ADAMTS19: variants seen among roughly 807,000 people sequenced by gnomAD.
ADAMTS19 encodes A disintegrin and metalloproteinase with thrombospondin motifs 19.
A neutral mutation model predicts 153.3 loss-of-function variants in ADAMTS19; 93 were observed. The ratio of observed to expected loss-of-function variants is 0.61; its 90% CI spans 0.51 to 0.72. The LOEUF is 0.72. Ranked by LOEUF, ADAMTS19 falls within the 30% of genes least tolerant of loss-of-function variation. The pLI, the probability that ADAMTS19 is intolerant of heterozygous loss-of-function variation, is 0.00. For missense variants in ADAMTS19, 1,482 were observed against 1,552.1 expected, an observed-to-expected ratio of 0.95 and a Z score of 0.76; for synonymous variants, 600 against 556.6, an observed-to-expected ratio of 1.08 and a Z score of -1.10.
chr5:129,480,178 T>C (rs1322529963), intron 2 of ADAMTS19, among the ~76,000 whole-genome samples: 1 of 152,278 alleles, frequency 6.6e-6, no homozygotes, highest in East Asian at 1.9e-4. Context: ...AAGTTACCGA[T>C]GTAATTCAAT....
At chr5:129,539,012 T>C (rs896102291) in intron 6 of ADAMTS19, among the ~76,000 whole-genome samples, 2 of 152,146 alleles carry the variant, frequency 1.3e-5, no homozygotes, top group Admixed American at 6.6e-5. Context: ...GTAAAGAACA[T>C]TGTTTCATGC....
chr5:129,703,829 T>C (rs1756021641), intron 20 of ADAMTS19, among the ~76,000 whole-genome samples: 1 of 152,208 alleles, frequency 6.6e-6, no homozygotes, highest in Non-Finnish European at 1.5e-5. Context: ...GAAATTGTTA[T>C]TTTTCACAAA....
At position 129,648,851 on chromosome 5, in the gene ADAMTS19, G is replaced by A. The variant is rs779234299; in HGVS notation, c.2057G>A (p.Cys686Tyr). The A allele has an allele frequency of 6.2e-7, 1 of 1,613,940 alleles. No homozygotes were observed. Among genetic ancestry groups the A allele is most frequent in the East Asian group, 2.2e-5 (1 of 44,860 alleles). ...CNGPRKQYRI[C>Y]ENPPCPAGLP... ...GGTCCCAGAAAACAATACAGAATATGTGAGAATCCACCTTGTCCTGCAGGT... is the reference window on the plus strand; with the variant it reads ...GGTCCCAGAAAACAATACAGAATATATGAGAATCCACCTTGTCCTGCAGGT... Residue 686 changes from cysteine (C) to tyrosine (Y), a missense_variant, in exon 13 of 23, where the codon TGT becomes TAT. Cys to Tyr is a radical substitution (Grantham distance 194). This residue lies in a region of ADAMTS19 where 616 missense variants were observed against 724.4 expected (regional missense o/e 0.85). Transcript: ENST00000274487.
At chr5:129,579,534 A>G (rs1404873979) in intron 7 of ADAMTS19, among the ~76,000 whole-genome samples, 1 of 152,046 alleles carries the variant, frequency 6.6e-6, no homozygotes, top group Non-Finnish European at 1.5e-5. Context: ...CCTGAATGGT[A>G]TTACCTAGGT....
At chr5:129,641,753 AAAT>A in intron 10 of ADAMTS19, 103 bp from the exon 11 acceptor site, 1 of 565,336 alleles carries the variant, frequency 1.8e-6, no homozygotes, top group East Asian at 3.1e-5. Context: ...ATTTTTCTTC[AAAT>A]AATTTTTGTT....
At chr5:129,724,885 A>G (rs1013879048) in intron 21 of ADAMTS19, among the ~76,000 whole-genome samples, 4 of 152,174 alleles carry the variant, frequency 2.6e-5, no homozygotes, top group Non-Finnish European at 5.9e-5. Context: ...GGCTGGCATC[A>G]TGTTGACTGT....
intron 18 of ADAMTS19, among the ~76,000 whole-genome samples, chr5:129,690,628 G>A (rs1755291031): frequency 6.6e-6 from 1 of 152,002 alleles, no homozygotes; most frequent in Admixed American, 6.6e-5. Context: ...AAAAGTAAAT[G>A]GCATGACATG....
At chr5:129,618,837 C>A (rs185484453) in intron 8 of ADAMTS19, among the ~76,000 whole-genome samples, 3 of 152,068 alleles carry the variant, frequency 2.0e-5, no homozygotes, top group African/African-American at 7.2e-5. Flanking sequence ...TCAGTACTAA[C>A]CCTCATCCAC....
At chr5:129,494,056 C>T (rs180831230) in intron 2 of ADAMTS19, among the ~76,000 whole-genome samples, 87 of 151,542 alleles carry the variant, frequency 5.7e-4, no homozygotes, top group African/African-American at 1.8e-3. Flanking sequence ...TTATAAAGTC[C>T]GTATGTATGC....
In ADAMTS19 at chr5:129,737,034, C is replaced by T. The variant is rs1308736318; in HGVS notation, c.3491-33C>T. 2.6e-6 allele frequency: 4 copies of T among 1,545,908 alleles called. No individual in the cohort carries two copies. In the Admixed American group the frequency reaches 7.3e-5, roughly 28 times the overall value. ...TTTTTACTGACATATATGATATCTG[C>T]ATGGAGTGAATTCACTATGTTCTGT... On this transcript the variant is annotated intron_variant, in intron 22 of 22. Transcript: ENST00000274487.
At chr5:129,699,614 A>T (rs1755737561) in intron 19 of ADAMTS19, among the ~76,000 whole-genome samples, 1 of 152,114 alleles carries the variant, frequency 6.6e-6, no homozygotes, top group East Asian at 1.9e-4. Flanking sequence ...AAGTCGTGTG[A>T]GTGCTACAAG....
At chr5:129,691,429 C>T (rs1448580605) in intron 18 of ADAMTS19, among the ~76,000 whole-genome samples, 1 of 152,108 alleles carries the variant, frequency 6.6e-6, no homozygotes, top group Non-Finnish European at 1.5e-5. Context: ...CTGTTTGTCC[C>T]TATGTGCCAC....
chr5:129,676,515 G>A (rs560117912), intron 16 of ADAMTS19, among the ~76,000 whole-genome samples: 11 of 151,968 alleles, frequency 7.2e-5, no homozygotes. Context: ...CAGTCAGGGG[G>A]TCTGGTAAAT....
chr5:129,528,807 G>T, intron 6 of ADAMTS19, 130 bp downstream of exon 6: 1 of 641,180 alleles, frequency 1.6e-6, no homozygotes. Flanking sequence ...GCATAATGAT[G>T]TTAGTCATCT....
At chr5:129,510,856 G>GAGATATAT (rs139631743) in intron 3 of ADAMTS19, among the ~76,000 whole-genome samples, 2 of 141,150 alleles carry the variant, frequency 1.4e-5, no homozygotes, top group Middle Eastern at 3.7e-3. Flanking sequence ...AAGTTTCTGA[G>GAGATATAT]ATATATATAT....
At chr5:129,517,751 C>G (rs918302213) in intron 3 of ADAMTS19, among the ~76,000 whole-genome samples, 3 of 151,678 alleles carry the variant, frequency 2.0e-5, no homozygotes. Flanking sequence ...CATTTTATGT[C>G]TTTTGATTAG....
intron 19 of ADAMTS19, among the ~76,000 whole-genome samples, chr5:129,699,136 T>A (rs543689827): frequency 1.6e-4 from 25 of 152,218 alleles, no homozygotes; most frequent in Admixed American, 1.4e-3. Context: ...CAAGGAATGT[T>A]TATGGCCAGG....
At chr5:129,645,592 T>C (rs1327076357) in intron 11 of ADAMTS19, among the ~76,000 whole-genome samples, 2 of 152,154 alleles carry the variant, frequency 1.3e-5, no homozygotes, top group Non-Finnish European at 2.9e-5. Flanking sequence ...GCCAGATGTG[T>C]CATTGTTTAA....
chr5:129,659,050 T>C (rs1308084467), intron 15 of ADAMTS19, among the ~76,000 whole-genome samples: 2 of 152,204 alleles, frequency 1.3e-5, no homozygotes, highest in African/African-American at 4.8e-5. Context: ...CAAAGAATGA[T>C]GTCTACTGGA....
Sources: allele counts gnomAD v4.1 joint callset (sites outside exome capture counted in the v4.1 genomes callset), GRCh38; gene constraint gnomAD v4.1.1; regional missense constraint gnomAD v4.1.1; transcripts MANE v1.5; gene names NCBI Gene and HGNC (gene_info 2026-07-23, HGNC 2026-07-21).